Variants in DOP1A observed in about 807,000 individuals in gnomAD.
DOP1A encodes the protein DOP1 leucine zipper like protein A.
Under a neutral mutation model 267.6 loss-of-function variants are expected in DOP1A, and 90 were observed. The ratio of observed to expected loss-of-function variants is 0.34; its 90% CI spans 0.28 to 0.40. The LOEUF (loss-of-function observed/expected upper bound fraction) is 0.40. Ranked by LOEUF, DOP1A falls within the 10% of genes least tolerant of loss-of-function variation. DOP1A has a pLI of 1.00. For synonymous variants in DOP1A, 932 were observed against 999.1 expected (o/e 0.93, Z 1.27); for missense variants, 2,437 against 2,900.4 (o/e 0.84, Z 3.67).
chr6:83,125,087 A>G (rs564541585), intron 13 of DOP1A, 79 bp from the exon 14 acceptor site: 1 of 1,277,738 alleles, frequency 7.8e-7, no homozygotes, highest in East Asian at 2.4e-5. Context: ...TATTAATATT[A>G]TTTCTATTAA....
At chr6:83,147,170 T>C in intron 25 of DOP1A, 66 bp from the exon 26 acceptor site, 1 of 753,912 alleles carries the variant, frequency 1.3e-6, no homozygotes, top group Non-Finnish European at 2.1e-6. Context: ...TACAGAGTAG[T>C]TGCAACAATG....
rs1192593601 is a variant in DOP1A at position 83,135,808 on chromosome 6, G to A, written c.3060G>A (p.Trp1020Ter). 6.2e-7 allele frequency: 1 copy of A among 1,613,516 alleles called. No individual in the cohort carries two copies. Among genetic ancestry groups the A allele is most frequent in the African/African-American group, 1.3e-5 (1 of 74,874 alleles). ...SVQRVQAERY[W>*]NKSPCYPGEE... ...AGCGTGTACAAGCAGAACGTTATTGGAATAAGTCTCCCTGTTATCCAGGAG... is the reference window on the plus strand; with the variant it reads ...AGCGTGTACAAGCAGAACGTTATTGAAATAAGTCTCCCTGTTATCCAGGAG... The change falls in exon 20 of 39, where the codon TGG (tryptophan) becomes TGA (stop). Residue 1020 changes from tryptophan to a stop codon, truncating the protein, a stop_gained. Coordinates refer to ENST00000349129, the MANE Select transcript of DOP1A (RefSeq NM_015018.4). LOFTEE classifies it high-confidence loss of function.
intron 4 of DOP1A, among the ~76,000 whole-genome samples, chr6:83,102,289 C>T (rs763787112): frequency 5.9e-5 from 9 of 152,184 alleles, no homozygotes; most frequent in African/African-American, 1.4e-4. Flanking sequence ...TTCCCACCTC[C>T]GGTGTACACA....
chr6:83,167,877 G>A lies in DOP1A; in HGVS notation c.7108G>A (p.Asp2370Asn). 6.2e-7 allele frequency: 1 copy of A among 1,608,008 alleles called. No individual in the cohort carries two copies. Among genetic ancestry groups the A allele is most frequent in the Non-Finnish European group, 8.5e-7 (1 of 1,176,124 alleles). The change falls in exon 39 of 39, where the codon GAC (aspartate) becomes AAC (asparagine). Residue 2370 changes from aspartate to asparagine, a missense_variant. Around this residue, in one of 9 missense-constraint regions of DOP1A, gnomAD observed 197 missense variants for 246.5 expected, o/e 0.80. Transcript: ENST00000349129. Reference protein sequence around the residue: ...RKRAKKNPEEDNSGRTLGWEP... With the variant: ...RKRAKKNPEENNSGRTLGWEP... ...TTTTCTGCAGAAAAATCCAGAGGAA[G>A]ACAACTCAGGGAGAACATTGGGTTG...
Position 83,126,719 on chromosome 6 carries a change from A to G in DOP1A, c.1719+986A>G, listed in dbSNP as rs559324029. ...GTGGTGAGGGAGGTAAAAAGAGAGC[A>G]CCTGACAGAGGAAGAAGTATAACAG... is the stretch of plus-strand genomic sequence containing the variant. On this transcript the variant is annotated intron_variant, in intron 15 of 38. Transcript: ENST00000349129. Among the ~76,000 whole-genome samples, 36 of 152,218 alleles carry G rather than the reference A, an allele frequency of 2.4e-4. No individual in the cohort carries two copies. In the East Asian group the frequency reaches 6.8e-3, roughly 29 times the overall value.
chr6:83,130,086 T>A, intron 16 of DOP1A, 37 bp from the exon 17 acceptor site: 1 of 1,596,458 alleles, frequency 6.3e-7, no homozygotes, highest in Non-Finnish European at 8.5e-7. Flanking sequence ...AAATGTTTAG[T>A]ATAATGAACT....
At chr6:83,134,312 T>G (rs746024013) in intron 19 of DOP1A, 25 bp downstream of exon 19, 72 of 1,587,256 alleles carry the variant, frequency 4.5e-5, no homozygotes, top group Non-Finnish European at 6.1e-5. Flanking sequence ...ATATTAAGAT[T>G]TCACAGTCAT....
chr6:83,127,942 C>T (rs1195504067), intron 15 of DOP1A, among the ~76,000 whole-genome samples: 3 of 152,128 alleles, frequency 2.0e-5, no homozygotes, highest in Non-Finnish European at 2.9e-5. Context: ...CCAGGTATCA[C>T]ATAACTAGTG....
intron 6 of DOP1A, 57 bp downstream of exon 6, chr6:83,110,371 A>C: frequency 6.5e-7 from 1 of 1,527,686 alleles, no homozygotes; most frequent in Non-Finnish European, 8.9e-7. Context: ...GTCAGGCACT[A>C]TTCCAGACAT....
At chr6:83,166,309 A>G (rs368382854) in intron 38 of DOP1A, 9 of 647,540 alleles carry the variant, frequency 1.4e-5, no homozygotes, top group African/African-American at 1.3e-4. Context: ...TCAATTGGTC[A>G]TTATCAATTT....
chr6:83,153,976 A>G lies in DOP1A; in HGVS notation c.6322A>G (p.Lys2108Glu). 1 of 1,614,046 alleles carries G rather than the reference A, an allele frequency of 6.2e-7. No individual in the cohort carries two copies. Among genetic ancestry groups the G allele is most frequent in the Non-Finnish European group, 8.5e-7 (1 of 1,179,990 alleles). ...GTATCAGTACACACGGAGAGCTTGG[A>G]AAAAAGAAGCTTTTGACCTCTTTAT... Reference protein sequence around the residue: ...SGYQYTRRAWKKEAFDLFMDP... With the variant: ...SGYQYTRRAWEKEAFDLFMDP... Residue 2108 changes from lysine (K) to glutamate (E), a missense_variant, in exon 32 of 39, where the codon AAA (lysine) becomes GAA (glutamate). Physicochemically the swap from Lys to Glu is moderately conservative, Grantham distance 56. Around this residue, in one of 9 missense-constraint regions of DOP1A, gnomAD observed 216 missense variants for 283.3 expected, o/e 0.76. Transcript: ENST00000349129.
At position 83,136,001 on chromosome 6, in the gene DOP1A, C is replaced by T. The variant is rs1228688507; in HGVS notation, c.3130+123C>T. On this transcript the variant is annotated intron_variant, in intron 20 of 38. Transcript: ENST00000349129. ...TTTTCTCCATGGGCTTATTTTCTCC[C>T]CTCCTCATGCACTAGCAATGCTGTG... 9.1e-5 allele frequency: 104 copies of T among 1,144,664 alleles called. 1 individual carries two copies. The highest frequency in any genetic ancestry group is 3.9e-5 in the Non-Finnish European group (32 of 821,446). The allele number at this position is 1,144,664 out of a possible 1,614,324, so 70.9% of individuals were successfully genotyped here.
chr6:83,112,258 A>C (rs2128183468), intron 6 of DOP1A, among the ~76,000 whole-genome samples: 1 of 152,204 alleles, frequency 6.6e-6, no homozygotes, highest in East Asian at 1.9e-4. Context: ...ATTAACTTAA[A>C]GGAAATAAGA....
Position 83,132,325 on chromosome 6 carries a change from TA to T in DOP1A, c.2768del (p.Lys923ArgfsTer3), listed in dbSNP as rs1344582097. 1 of 1,591,570 alleles carries T rather than the reference TA, an allele frequency of 6.3e-7. No individual in the cohort carries two copies. Among genetic ancestry groups the T allele is most frequent in the Non-Finnish European group, 8.5e-7 (1 of 1,173,616 alleles). ...VISQQLTHKD[K>X]KIRMEAHAKF... is the part of the protein sequence containing the mutation. ...TAAGTCAGCAGTTAACCCATAAAGATAAGGTAAATCCTCTTATCTTGTGCAC... is the reference window on the plus strand; with the variant it reads ...TAAGTCAGCAGTTAACCCATAAAGATAGGTAAATCCTCTTATCTTGTGCAC... On this transcript the variant is annotated frameshift_variant and splice_region_variant, in exon 18 of 39. Coordinates refer to ENST00000349129, the MANE Select transcript of DOP1A (RefSeq NM_015018.4). LOFTEE classifies it high-confidence loss of function.
intron 1 of DOP1A, among the ~76,000 whole-genome samples, chr6:83,095,558 A>C (rs1329582411): frequency 2.0e-5 from 3 of 152,184 alleles, no homozygotes; most frequent in Non-Finnish European, 2.9e-5. Flanking sequence ...CAGTTAGGAT[A>C]CCAGAAAAAT....
chr6:83,086,257 A>G (rs929413470), intron 1 of DOP1A, among the ~76,000 whole-genome samples: 1 of 152,256 alleles, frequency 6.6e-6, no homozygotes, highest in African/African-American at 2.4e-5. Flanking sequence ...GGTTATATGT[A>G]TAATATGCTG....
intron 1 of DOP1A, among the ~76,000 whole-genome samples, chr6:83,075,374 G>A (rs1445586789): frequency 6.6e-6 from 1 of 152,142 alleles, no homozygotes; most frequent in Admixed American, 6.5e-5. Context: ...ATAAAGCAAG[G>A]TAAGTTCTAT....
At position 83,129,499 on chromosome 6, in the gene DOP1A, T is replaced by C. The variant is rs372786840; in HGVS notation, c.2332T>C (p.Leu778=). 1.9e-4 allele frequency: 294 copies of C among 1,525,264 alleles called. No homozygotes were observed. The highest frequency in any genetic ancestry group is 2.2e-4 in the Non-Finnish European group (249 of 1,144,344). The allele number at this position is 1,525,264 out of a possible 1,614,324, so 94.5% of individuals were successfully genotyped here. The change falls in exon 16 of 39, where the codon TTG becomes CTG. Residue 778 remains leucine, a synonymous_variant. Transcript: ENST00000349129. ...TACATCAGAGTTACGTTCTGAAAAA[T>C]TGGAGACTGGTAAGGTCATCTCAGT... The part of the protein sequence containing the change: ...NHTSELRSEK[L]ETDCEHVQPP...
chr6:83,157,654 T>C (rs1392172710), intron 35 of DOP1A, among the ~76,000 whole-genome samples: 1 of 152,244 alleles, frequency 6.6e-6, no homozygotes, highest in Non-Finnish European at 1.5e-5. Flanking sequence ...TTACAATAGC[T>C]GTAGCAATAC....
Sources: gnomAD v4.1 joint callset for allele counts (sites outside exome capture counted in the v4.1 genomes callset) on GRCh38, gnomAD v4.1.1 for gene constraint, gnomAD v4.1.1 regional missense constraint, MANE v1.5 for transcripts, NCBI Gene and HGNC (gene_info 2026-07-23, HGNC 2026-07-21) for gene names.